The following FBXO32 variants were observed in gnomAD, a reference collection of about 807,000 sequenced individuals.
The protein encoded by FBXO32 is F-box only protein 32.
A neutral mutation model predicts 48.3 loss-of-function variants in FBXO32; 15 were observed. That is an observed-to-expected ratio of 0.31 (90% CI 0.21 to 0.48). The LOEUF (loss-of-function observed/expected upper bound fraction) is 0.48. Ranked by LOEUF, FBXO32 falls within the 20% of genes least tolerant of loss-of-function variation. FBXO32 has a pLI of 0.99. For synonymous variants in FBXO32, 154 were observed against 165.9 expected (o/e 0.93, Z 0.55); for missense variants, 309 against 432.7 (o/e 0.71, Z 2.54).
At chr8:123,512,438 T>A (rs1816753777) in intron 6 of FBXO32, among the ~76,000 whole-genome samples, 1 of 151,996 alleles carries the variant, frequency 6.6e-6, no homozygotes, top group Non-Finnish European at 1.5e-5. Context: ...TTACAGTCAG[T>A]GATGAGATAA....
At chr8:123,515,456 C>T (rs1816821482) in intron 4 of FBXO32, among the ~76,000 whole-genome samples, 1 of 149,364 alleles carries the variant, frequency 6.7e-6, no homozygotes, top group Non-Finnish European at 1.5e-5. Flanking sequence ...GCCACGTTGG[C>T]CAGGCTGCTC....
chr8:123,528,188 T>G (rs1358066589), intron 4 of FBXO32, among the ~76,000 whole-genome samples: 1 of 152,140 alleles, frequency 6.6e-6, no homozygotes, highest in Non-Finnish European at 1.5e-5. Context: ...CGAAGGTGAT[T>G]TGAATGTGCA....
chr8:123,516,729 T>TC (rs1459755306), intron 4 of FBXO32, among the ~76,000 whole-genome samples: 1 of 152,142 alleles, frequency 6.6e-6, no homozygotes, highest in East Asian at 1.9e-4. Flanking sequence ...AACTCCTTTT[T>TC]CTCCCTGGCT....
In FBXO32 at chr8:123,513,105, C is replaced by T. The variant is rs914586917; in HGVS notation, c.651+93G>A. On this transcript the variant is annotated intron_variant, in intron 6 of 8. Transcript: ENST00000517956. This position sits in a 1 kb window ranked among gnomAD's most constrained non-coding sequence, Gnocchi z 4.3. ...CAGATCAGAAAAGACCAGACTCTTC[C>T]GTCACAGGAGTGAATTCAAAGTCTT... 2.7e-5 allele frequency: 36 copies of T among 1,338,112 alleles called. No individual in the cohort carries two copies. Among genetic ancestry groups the T allele is most frequent in the African/African-American group, 7.2e-5 (5 of 69,286 alleles). 82.9% of individuals were successfully genotyped at this position (1,338,112 alleles called of 1,614,324 possible). A position where few individuals can be genotyped will look rare whatever the true frequency, so the allele number is the denominator to read the frequency against.
At chr8:123,522,507 C>T (rs1816978371) in intron 4 of FBXO32, among the ~76,000 whole-genome samples, 1 of 151,994 alleles carries the variant, frequency 6.6e-6, no homozygotes, top group Admixed American at 6.6e-5. Flanking sequence ...CCACACCTGG[C>T]CCTGGTTACT....
At chr8:123,531,800 A>G (rs1817215004) in intron 4 of FBXO32, 98 bp downstream of exon 4, 4 of 1,483,182 alleles carry the variant, frequency 2.7e-6, no homozygotes, top group Non-Finnish European at 3.6e-6. Context: ...TTAGGGTCCT[A>G]AAAAGTAATT....
At position 123,501,662 on chromosome 8, in the gene FBXO32, GT is replaced by G. The variant is rs1272714746; in HGVS notation, c.*1710del. 1.3e-5 allele frequency: 2 copies of G among 152,164 alleles called. No individual in the cohort carries two copies. Among genetic ancestry groups the G allele is most frequent in the African/African-American group, 4.8e-5 (2 of 41,426 alleles). The allele number at this position is 152,164 out of a possible 1,614,324, so 9.4% of individuals were successfully genotyped here. On this transcript the variant is annotated 3_prime_UTR_variant, in exon 9 of 9. Coordinates refer to ENST00000517956, the MANE Select transcript of FBXO32 (RefSeq NM_058229.4). The stretch of plus-strand genomic sequence containing the variant: ...TATTGAGGGCAGGGGCTGAAGCGGT[GT>G]TGTATCATAGCTTGTCTCTTGCCTC...
intron 4 of FBXO32, among the ~76,000 whole-genome samples, chr8:123,527,412 A>T (rs1365891416): frequency 6.6e-6 from 1 of 152,152 alleles, no homozygotes; most frequent in African/African-American, 2.4e-5. Context: ...TTTTTATCTT[A>T]ATTCCATCTT....
chr8:123,531,455 G>A (rs905636088), intron 4 of FBXO32, among the ~76,000 whole-genome samples: 2 of 152,232 alleles, frequency 1.3e-5, no homozygotes, highest in Non-Finnish European at 1.5e-5. Context: ...GGACAAGAGG[G>A]AGACAGTGAG....
intron 7 of FBXO32, among the ~76,000 whole-genome samples, chr8:123,505,506 C>T (rs976417818): frequency 1.3e-5 from 2 of 152,252 alleles, no homozygotes; most frequent in African/African-American, 4.8e-5. Context: ...GAGGCCGAGG[C>T]AGGCGGATCA....
Position 123,521,940 on chromosome 8 carries a change from T to C in FBXO32, c.373-7607A>G, listed in dbSNP as rs145097045. Among the ~76,000 whole-genome samples the C allele has an allele frequency of 3.7e-3, 564 of 152,264 alleles. 3 individuals are homozygous for C. Among genetic ancestry groups the C allele is most frequent in the African/African-American group, 0.013 (541 of 41,544 alleles). On this transcript the variant is annotated intron_variant, in intron 4 of 8. Transcript: ENST00000517956. Reference sequence around the variant, plus strand: ...GTGCTGGGTACTTCCAAGACCCTTATTTACTCAATGAATAACACAGATAAA... The same window carrying C: ...GTGCTGGGTACTTCCAAGACCCTTACTTACTCAATGAATAACACAGATAAA...
At chr8:123,516,924 G>A (rs1423296532) in intron 4 of FBXO32, among the ~76,000 whole-genome samples, 2 of 152,140 alleles carry the variant, frequency 1.3e-5, no homozygotes, top group East Asian at 1.9e-4. Flanking sequence ...ACCGAATGCT[G>A]TGGTTTAGCT....
rs955442409 is a variant in FBXO32 at position 123,501,023 on chromosome 8, G to A, written c.*2350C>T. 6.6e-6 allele frequency: 1 copy of A among 152,196 alleles called. No individual in the cohort carries two copies. Among genetic ancestry groups the A allele is most frequent in the Non-Finnish European group, 1.5e-5 (1 of 68,054 alleles). The allele number at this position is 152,196 out of a possible 1,614,324, so 9.4% of individuals were successfully genotyped here. On this transcript the variant is annotated 3_prime_UTR_variant, in exon 9 of 9. Transcript: ENST00000517956. ...ACTGCTGACAGTCTAAATGACACCA[G>A]TGTCCCAGTTTTGTGCTGACAGTCC...
chr8:123,534,299 A>G (rs1483725359), intron 2 of FBXO32, among the ~76,000 whole-genome samples: 1 of 152,210 alleles, frequency 6.6e-6, no homozygotes, highest in African/African-American at 2.4e-5. Context: ...TGATACTTAT[A>G]TATAGTATCT....
At chr8:123,522,628 T>G (rs1026111153) in intron 4 of FBXO32, among the ~76,000 whole-genome samples, 21 of 152,200 alleles carry the variant, frequency 1.4e-4, no homozygotes, top group African/African-American at 4.8e-4. Context: ...CTGTCACCTC[T>G]GCCCTATGGT....
rs1031513497 is a variant in FBXO32, at chr8:123,516,821, A to G, written c.373-2488T>C. On this transcript the variant is annotated intron_variant, in intron 4 of 8. Coordinates refer to ENST00000517956, the MANE Select transcript of FBXO32 (RefSeq NM_058229.4). ...TGGTTTGTTGCAATTAGTACTGGTGATCTAGTTGGAAGTCAGGAGCTCACC... is the reference window on the plus strand; with the variant it reads ...TGGTTTGTTGCAATTAGTACTGGTGGTCTAGTTGGAAGTCAGGAGCTCACC... Among the ~76,000 whole-genome samples the G allele has an allele frequency of 1.6e-4, 24 of 152,122 alleles. No homozygotes were observed. In the East Asian group the frequency reaches 3.5e-3, roughly 22 times the overall value.
chr8:123,510,339 C>A (rs143684290), intron 6 of FBXO32, among the ~76,000 whole-genome samples: 1 of 152,180 alleles, frequency 6.6e-6, no homozygotes. Flanking sequence ...GGGCCGGGCG[C>A]GGTGGCTCAT....
At chr8:123,515,593 A>G (rs1021385357) in intron 4 of FBXO32, among the ~76,000 whole-genome samples, 4 of 152,044 alleles carry the variant, frequency 2.6e-5, no homozygotes, top group Non-Finnish European at 5.9e-5. Context: ...CCAACCCCAT[A>G]ATTGCCAGAC....
At position 123,536,963 on chromosome 8, in the gene FBXO32, C is replaced by T. The variant is rs528946834; in HGVS notation, c.117-2149G>A. Reference sequence around the variant, plus strand: ...TTACATAATTGATGATGTTCTCTCACCGTAGAATGTAGAAAAGTTTTAACC... The same window carrying T: ...TTACATAATTGATGATGTTCTCTCATCGTAGAATGTAGAAAAGTTTTAACC... On this transcript the variant is annotated intron_variant, in intron 1 of 8. Coordinates refer to ENST00000517956, the MANE Select transcript of FBXO32 (RefSeq NM_058229.4). 2.6e-5 allele frequency among the ~76,000 whole-genome samples: 4 copies of T among 152,204 alleles called. No homozygotes were observed. In the East Asian group the frequency reaches 7.7e-4, roughly 29 times the overall value.
Sources: allele counts gnomAD v4.1 joint callset (sites outside exome capture counted in the v4.1 genomes callset), GRCh38; gene constraint gnomAD v4.1.1; non-coding constraint Gnocchi (gnomAD v3.1); transcripts MANE v1.5; gene names NCBI Gene and HGNC (gene_info 2026-07-23, HGNC 2026-07-21).